Variants in WASHC5 observed in about 807,000 individuals in gnomAD.
The protein encoded by WASHC5 is WASH complex subunit strumpellin.
Under a neutral mutation model 150.4 loss-of-function variants are expected in WASHC5, and 101 were observed. The ratio of observed to expected loss-of-function variants is 0.67; its 90% CI spans 0.57 to 0.79. The LOEUF is 0.79. Ranked by LOEUF, WASHC5 falls within the 30% of genes least tolerant of loss-of-function variation. The pLI, the probability that WASHC5 is intolerant of heterozygous loss-of-function variation, is 0.00. For missense variants in WASHC5, 1,195 were observed against 1,396.3 expected (o/e 0.86, Z 2.30); for synonymous variants, 467 against 491.2 (o/e 0.95, Z 0.65).
intron 12 of WASHC5, among the ~76,000 whole-genome samples, chr8:125,060,492 A>AAAAAAAAG: frequency 6.6e-6 from 1 of 152,154 alleles, no homozygotes; most frequent in African/African-American, 2.4e-5. Flanking sequence ...TCTCAAAAAA[A>AAAAAAAAG]AAAAAAAGAG....
intron 9 of WASHC5, among the ~76,000 whole-genome samples, chr8:125,069,455 G>A (rs1359980782): frequency 6.6e-6 from 1 of 152,226 alleles, no homozygotes; most frequent in East Asian, 1.9e-4. Context: ...TAAGGTATAT[G>A]GTAGTTACAC....
chr8:125,044,297 A>G (rs1815989227), intron 21 of WASHC5, among the ~76,000 whole-genome samples: 1 of 152,226 alleles, frequency 6.6e-6, no homozygotes, highest in Admixed American at 6.5e-5. Flanking sequence ...TCAAGGATTA[A>G]AAAGTCTTAT....
At position 125,083,991 on chromosome 8, in the gene WASHC5, G is replaced by A; in HGVS notation, c.-93C>T. The A allele has an allele frequency of 8.1e-7, 1 of 1,233,048 alleles. No homozygotes were observed. The highest frequency in any genetic ancestry group is 1.2e-6 in the Non-Finnish European group (1 of 856,566). The allele number at this position is 1,233,048 out of a possible 1,614,324, so 76.4% of individuals were successfully genotyped here. A position where few individuals can be genotyped will look rare whatever the true frequency, so the allele number is the denominator to read the frequency against. ...TGTATATTATTAGATGAAACCAGGT[G>A]TGCAGAGAGATTGGCTCCTCCATTA... On this transcript the variant is annotated 5_prime_UTR_variant, in exon 2 of 29. Coordinates refer to ENST00000318410, the MANE Select transcript of WASHC5 (RefSeq NM_014846.4).
chr8:125,085,360 A>G (rs796085689), intron 1 of WASHC5, among the ~76,000 whole-genome samples: 8 of 152,336 alleles, frequency 5.3e-5, no homozygotes, highest in African/African-American at 1.9e-4. Flanking sequence ...CTATTTTAGT[A>G]TGTAACACTT....
At chr8:125,089,857 G>C (rs1817544238) in intron 1 of WASHC5, among the ~76,000 whole-genome samples, 1 of 152,164 alleles carries the variant, frequency 6.6e-6, no homozygotes, top group Non-Finnish European at 1.5e-5. Context: ...AATATGTTCG[G>C]CAATAGTAAA....
chr8:125,085,376 C>T (rs1817390057), intron 1 of WASHC5, among the ~76,000 whole-genome samples: 1 of 152,134 alleles, frequency 6.6e-6, no homozygotes, highest in Admixed American at 6.6e-5. Context: ...CACTTAAAAA[C>T]TTTTCCATGG....
chr8:125,025,558 C>T (rs990728591), intron 28 of WASHC5, among the ~76,000 whole-genome samples: 20 of 151,946 alleles, frequency 1.3e-4, no homozygotes, highest in African/African-American at 4.8e-4. Context: ...CGTGGTGGTA[C>T]GCATCTGTAA....
intron 26 of WASHC5, among the ~76,000 whole-genome samples, chr8:125,033,515 C>T (rs1253728578): frequency 1.3e-5 from 2 of 151,472 alleles, no homozygotes; most frequent in African/African-American, 2.4e-5. Flanking sequence ...GAAAAAATAT[C>T]GAAGATATCT....
chr8:125,042,114 C>T (rs77566969), intron 23 of WASHC5, among the ~76,000 whole-genome samples: 4,684 of 152,220 alleles, frequency 0.031, 247 homozygotes, highest in African/African-American at 0.1. Flanking sequence ...TCACGCACTT[C>T]AAGCTTTAAT....
chr8:125,045,171 T>C (rs1816025454), intron 20 of WASHC5, among the ~76,000 whole-genome samples: 1 of 152,230 alleles, frequency 6.6e-6, no homozygotes, highest in Non-Finnish European at 1.5e-5. Context: ...AGCAATTTGC[T>C]TTTTCCTCCC....
chr8:125,065,200 T>C (rs1275937141), intron 10 of WASHC5, among the ~76,000 whole-genome samples: 3 of 152,254 alleles, frequency 2.0e-5, no homozygotes, highest in Admixed American at 2.0e-4. Flanking sequence ...GTCTATAGGA[T>C]AGTCAGAAAG....
chr8:125,070,822 G>A (rs1053001638), intron 9 of WASHC5, among the ~76,000 whole-genome samples: 3 of 152,170 alleles, frequency 2.0e-5, no homozygotes, highest in Non-Finnish European at 4.4e-5. Flanking sequence ...TCAGGATAAA[G>A]GTTTAAGAAG....
chr8:125,079,471 G>A (rs931592602), intron 5 of WASHC5, among the ~76,000 whole-genome samples: 1 of 152,016 alleles, frequency 6.6e-6, no homozygotes, highest in African/African-American at 2.4e-5. Flanking sequence ...GATTACAGGT[G>A]TGAGCCACTG....
chr8:125,056,656 G>A (rs201263481), intron 16 of WASHC5, 21 bp downstream of exon 16: 175 of 1,613,822 alleles, frequency 1.1e-4, no homozygotes, highest in Non-Finnish European at 6.5e-5. Flanking sequence ...TGAAAAGGCA[G>A]AAGTCAGAGG....
chr8:125,040,937 C>T (rs1483398676), intron 23 of WASHC5, among the ~76,000 whole-genome samples: 1 of 152,176 alleles, frequency 6.6e-6, no homozygotes, highest in Non-Finnish European at 1.5e-5. Context: ...CAAAATAAAA[C>T]ATAGAGGGTA....
At chr8:125,062,613 C>A (rs1816630401) in intron 11 of WASHC5, among the ~76,000 whole-genome samples, 1 of 152,144 alleles carries the variant, frequency 6.6e-6, no homozygotes, top group Non-Finnish European at 1.5e-5. Context: ...TGGCTTTTCC[C>A]TATAGGAACA....
chr8:125,063,469 A>G lies in WASHC5; in HGVS notation c.1408+53T>C. On this transcript the variant is annotated intron_variant, in intron 11 of 28. Coordinates refer to ENST00000318410, the MANE Select transcript of WASHC5 (RefSeq NM_014846.4). ...TAACCTGCCAGTTTCCAAGGTTTCAAATAACCTGTGCACACATTCCAAACA... is the reference window on the plus strand; with the variant it reads ...TAACCTGCCAGTTTCCAAGGTTTCAGATAACCTGTGCACACATTCCAAACA... The G allele has an allele frequency of 2.5e-6, 4 of 1,597,534 alleles. No homozygotes were observed. In the South Asian group the frequency reaches 4.4e-5, roughly 18 times the overall value.
chr8:125,027,705 A>C (rs573416775), intron 28 of WASHC5, among the ~76,000 whole-genome samples: 5 of 152,340 alleles, frequency 3.3e-5, no homozygotes, highest in Non-Finnish European at 7.3e-5. Flanking sequence ...AAATCTCACA[A>C]ATCACCACTA....
chr8:125,042,597 T>A (rs977598015), intron 23 of WASHC5, among the ~76,000 whole-genome samples: 1 of 152,172 alleles, frequency 6.6e-6, no homozygotes. Context: ...AACCCTCCAG[T>A]AAGCAAGGGG....
Sources: allele counts gnomAD v4.1 joint callset (sites outside exome capture counted in the v4.1 genomes callset), GRCh38; gene constraint gnomAD v4.1.1; transcripts MANE v1.5; gene names NCBI Gene and HGNC (gene_info 2026-07-23, HGNC 2026-07-21).